Variants in WWP1 observed in about 807,000 individuals in gnomAD.
WWP1 encodes the protein NEDD4-like E3 ubiquitin-protein ligase WWP1.
Under a neutral mutation model 130.6 loss-of-function variants are expected in WWP1, and 49 were observed. That is an observed-to-expected ratio of 0.38 (90% CI 0.30 to 0.48). The LOEUF (loss-of-function observed/expected upper bound fraction) is 0.48. WWP1 is among the 20% of genes least tolerant of loss of function. WWP1 has a pLI of 0.99. For missense variants in WWP1, 809 were observed against 1,100.6 expected, an observed-to-expected ratio of 0.74 and a Z score of 3.75; for synonymous variants, 332 against 367.8, an observed-to-expected ratio of 0.90 and a Z score of 1.11.
intron 17 of WWP1, among the ~76,000 whole-genome samples, chr8:86,441,583 G>T (rs1182248940): frequency 6.6e-6 from 1 of 151,458 alleles, no homozygotes; most frequent in Non-Finnish European, 1.5e-5. Context: ...CACTCGACCT[G>T]CAATCCTGCC....
intron 5 of WWP1, among the ~76,000 whole-genome samples, chr8:86,388,352 T>A (rs1825412289): frequency 6.6e-6 from 1 of 152,090 alleles, no homozygotes. Flanking sequence ...ACTCCTGGAC[T>A]CAAGCGATCC....
intron 14 of WWP1, among the ~76,000 whole-genome samples, chr8:86,433,014 T>A (rs1347897369): frequency 6.6e-6 from 1 of 152,204 alleles, no homozygotes; most frequent in Non-Finnish European, 1.5e-5. Context: ...GAAGTTCCCC[T>A]GACACTGAAT....
At chr8:86,376,631 A>G (rs541121394) in intron 3 of WWP1, among the ~76,000 whole-genome samples, 1 of 152,244 alleles carries the variant, frequency 6.6e-6, no homozygotes, top group African/African-American at 2.4e-5. Flanking sequence ...TTGAGGTGAA[A>G]AAGAACATAC....
At chr8:86,435,816 A>G in intron 16 of WWP1, 112 bp downstream of exon 16, 2 of 960,768 alleles carry the variant, frequency 2.1e-6, no homozygotes, top group Non-Finnish European at 1.6e-6. Flanking sequence ...AGCTATAATA[A>G]TAATGACTGC....
intron 20 of WWP1, among the ~76,000 whole-genome samples, chr8:86,451,540 T>C (rs915867869): frequency 6.6e-6 from 1 of 152,138 alleles, no homozygotes; most frequent in African/African-American, 2.4e-5. Flanking sequence ...TGGAAAAGAA[T>C]AGTCTGAACA....
In WWP1 at chr8:86,367,807, A is replaced by G. The variant is rs553295014; in HGVS notation, c.-114-1132A>G. ...TGATAAAAGTCATACCACTATGCAG[A>G]TTGTTGTCCCTGAGGGCTTGTGATA... On this transcript the variant is annotated intron_variant, in intron 1 of 24. Coordinates refer to ENST00000517970, the MANE Select transcript of WWP1 (RefSeq NM_007013.4). Among the ~76,000 whole-genome samples, 7 of 152,302 alleles carry G rather than the reference A, an allele frequency of 4.6e-5. No homozygotes were observed. In the East Asian group the frequency reaches 7.7e-4, roughly 17 times the overall value.
At chr8:86,412,534 A>G (rs1808644755) in intron 9 of WWP1, among the ~76,000 whole-genome samples, 1 of 152,196 alleles carries the variant, frequency 6.6e-6, no homozygotes, top group Non-Finnish European at 1.5e-5. Flanking sequence ...GTAAACGTGT[A>G]CAGTATATAC....
intron 14 of WWP1, 95 bp downstream of exon 14, chr8:86,431,838 C>A (rs1489867744): frequency 6.5e-7 from 1 of 1,534,938 alleles, no homozygotes; most frequent in African/African-American, 1.4e-5. Flanking sequence ...AAACATTTTA[C>A]TTTTTGGTTC....
At chr8:86,396,518 ATGGT>A (rs768031066) in intron 5 of WWP1, among the ~76,000 whole-genome samples, 3 of 149,348 alleles carry the variant, frequency 2.0e-5, no homozygotes, top group Non-Finnish European at 3.0e-5. Flanking sequence ...GGTGCTACAA[ATGGT>A]TGGGGTATTC....
chr8:86,445,214 G>A (rs567537081), intron 18 of WWP1, among the ~76,000 whole-genome samples: 15 of 152,192 alleles, frequency 9.9e-5, no homozygotes, highest in South Asian at 6.2e-4. Flanking sequence ...TAGAATCAGG[G>A]GTACATGTGC....
chr8:86,451,663 A>G (rs1811185090), intron 20 of WWP1, among the ~76,000 whole-genome samples: 1 of 152,204 alleles, frequency 6.6e-6, no homozygotes, highest in African/African-American at 2.4e-5. Context: ...GCATAAGGCC[A>G]GCTTCCTCTA....
chr8:86,354,305 T>A (rs2130136784), intron 1 of WWP1, among the ~76,000 whole-genome samples: 1 of 152,350 alleles, frequency 6.6e-6, no homozygotes, highest in East Asian at 1.9e-4. Context: ...ATCCATTCCA[T>A]ATGCTGTTAA....
chr8:86,461,413 A>C (rs1811760391), intron 23 of WWP1, 93 bp downstream of exon 23: 1 of 1,111,164 alleles, frequency 9.0e-7, no homozygotes, highest in African/African-American at 1.6e-5. Context: ...CCTAAAGATT[A>C]CTCTTCTGTG....
At chr8:86,425,006 TAA>T (rs957041215) in intron 9 of WWP1, among the ~76,000 whole-genome samples, 3 of 151,926 alleles carry the variant, frequency 2.0e-5, no homozygotes, top group African/African-American at 7.2e-5. Context: ...AATACTGTAA[TAA>T]AAAGGGAATA....
intron 9 of WWP1, among the ~76,000 whole-genome samples, chr8:86,418,614 C>A (rs1809020726): frequency 6.6e-6 from 1 of 152,132 alleles, no homozygotes; most frequent in Non-Finnish European, 1.5e-5. Flanking sequence ...GAAGATGACA[C>A]TGTAAATGGC....
chr8:86,404,692 C>G (rs1808177799), intron 8 of WWP1, among the ~76,000 whole-genome samples: 1 of 152,100 alleles, frequency 6.6e-6, no homozygotes, highest in African/African-American at 2.4e-5. Flanking sequence ...TAGTATATAT[C>G]CATTAACTGA....
intron 20 of WWP1, among the ~76,000 whole-genome samples, chr8:86,451,073 A>G (rs1811145503): frequency 6.6e-6 from 1 of 151,168 alleles, no homozygotes; most frequent in African/African-American, 2.4e-5. Flanking sequence ...AAATAAATAA[A>G]ATTTTTTTAA....
chr8:86,427,748 A>G lies in WWP1; in HGVS notation c.1263A>G (p.Glu421=), dbSNP rs760526278. Residue 421 remains glutamate (E), a synonymous_variant, in exon 11 of 25, where the codon GAA becomes GAG. Coordinates refer to ENST00000517970, the MANE Select transcript of WWP1 (RefSeq NM_007013.4). ...CCATGGAATCTGTCCGAAATTTTGA[A>G]CAGTGGCAATCTCAGCGGAACCAAT... ...RPTMESVRNF[E]QWQSQRNQLQ... 2.5e-6 allele frequency: 4 copies of G among 1,614,084 alleles called. No individual in the cohort carries two copies. Among genetic ancestry groups the G allele is most frequent in the Admixed American group, 1.7e-5 (1 of 60,020 alleles).
chr8:86,452,210 G>A (rs1193555843), intron 20 of WWP1, among the ~76,000 whole-genome samples: 1 of 151,936 alleles, frequency 6.6e-6, no homozygotes, highest in Non-Finnish European at 1.5e-5. Context: ...CATGATATTT[G>A]GATTTATTTG....
Sources: gnomAD v4.1 joint callset for allele counts (sites outside exome capture counted in the v4.1 genomes callset) on GRCh38, gnomAD v4.1.1 for gene constraint, MANE v1.5 for transcripts, NCBI Gene and HGNC (gene_info 2026-07-23, HGNC 2026-07-21) for gene names.